Variants in MTHFD2L observed in about 807,000 individuals in gnomAD.
The protein encoded by MTHFD2L is bifunctional methylenetetrahydrofolate dehydrogenase/cyclohydrolase 2, mitochondrial.
A neutral mutation model predicts 34.9 loss-of-function variants in MTHFD2L; 29 were observed. That is an observed-to-expected ratio of 0.83 (90% CI 0.62 to 1.13). MTHFD2L has a LOEUF of 1.13. Ranked by LOEUF, MTHFD2L falls within the 50% of genes most tolerant of loss-of-function variation. MTHFD2L has a pLI of 0.00. For missense variants in MTHFD2L, 481 were observed against 446.5 expected (o/e 1.08, Z -0.70); for synonymous variants, 167 against 155.7 (o/e 1.07, Z -0.54).
chr4:74,173,024 C>T (rs930696608), intron 1 of MTHFD2L, among the ~76,000 whole-genome samples: 8 of 152,112 alleles, frequency 5.3e-5, no homozygotes, highest in African/African-American at 1.7e-4. Context: ...ATAAGGGCTT[C>T]CTTTCCTCCT....
chr4:74,253,358 A>G (rs900345837), intron 6 of MTHFD2L, among the ~76,000 whole-genome samples: 3 of 152,330 alleles, frequency 2.0e-5, no homozygotes, highest in South Asian at 2.1e-4. Flanking sequence ...TCCTCACAGA[A>G]ACATGAATTT....
intron 1 of MTHFD2L, among the ~76,000 whole-genome samples, chr4:74,147,753 T>G (rs1214762392): frequency 6.6e-6 from 1 of 152,230 alleles, no homozygotes; most frequent in Non-Finnish European, 1.5e-5. Flanking sequence ...CATTGCGCTT[T>G]GGATTTGCAT....
intron 3 of MTHFD2L, 120 bp downstream of exon 3, chr4:74,175,523 T>G: frequency 2.8e-6 from 3 of 1,076,746 alleles, no homozygotes; most frequent in Non-Finnish European, 4.0e-6. Flanking sequence ...AGACTAGCTA[T>G]TTTACTAGTA....
intron 5 of MTHFD2L, among the ~76,000 whole-genome samples, chr4:74,210,464 T>C (rs1736113457): frequency 6.6e-6 from 1 of 152,122 alleles, no homozygotes; most frequent in Admixed American, 6.6e-5. Context: ...CCCCATTACT[T>C]TTTTTTGTGT....
chr4:74,173,403 C>T (rs945312728), intron 1 of MTHFD2L, among the ~76,000 whole-genome samples: 1 of 152,162 alleles, frequency 6.6e-6, no homozygotes. Context: ...AAACTTACTC[C>T]ATTAGAAATG....
intron 5 of MTHFD2L, among the ~76,000 whole-genome samples, chr4:74,217,990 C>T (rs1737484697): frequency 6.6e-6 from 1 of 152,134 alleles, no homozygotes; most frequent in Admixed American, 6.6e-5. Flanking sequence ...TAATGATGCT[C>T]TTGACAACAC....
intron 1 of MTHFD2L, among the ~76,000 whole-genome samples, chr4:74,165,379 G>A (rs1578309650): frequency 1.3e-5 from 2 of 151,932 alleles, no homozygotes; most frequent in East Asian, 3.9e-4. Context: ...TTTTTTTTGA[G>A]ACAGAGTCTT....
At chr4:74,246,101 A>C (rs1017532643) in intron 6 of MTHFD2L, among the ~76,000 whole-genome samples, 48 of 140,386 alleles carry the variant, frequency 3.4e-4, no homozygotes, top group East Asian at 8.1e-4. Context: ...CCAACAGTGT[A>C]AAAGTGTTCC....
intron 3 of MTHFD2L, among the ~76,000 whole-genome samples, chr4:74,189,937 G>A (rs1732173697): frequency 6.6e-6 from 1 of 151,960 alleles, no homozygotes; most frequent in South Asian, 2.1e-4. Context: ...ATAGTTTTCT[G>A]ACCCTCATCA....
At chr4:74,222,218 TTGTC>T (rs1258039082) in intron 5 of MTHFD2L, among the ~76,000 whole-genome samples, 1 of 152,094 alleles carries the variant, frequency 6.6e-6, no homozygotes, top group Non-Finnish European at 1.5e-5. Context: ...CCATTTACAT[TTGTC>T]TGCGTTTTAG....
intron 1 of MTHFD2L, chr4:74,161,995 G>A (rs1725559159): frequency 6.6e-6 from 1 of 152,184 alleles, no homozygotes; most frequent in South Asian, 2.1e-4. Flanking sequence ...TAATAAATGA[G>A]ATTTGCTATT....
At chr4:74,178,633 T>C (rs1045161428) in intron 3 of MTHFD2L, among the ~76,000 whole-genome samples, 2 of 151,958 alleles carry the variant, frequency 1.3e-5, no homozygotes, top group Non-Finnish European at 2.9e-5. Context: ...AAAAAAAATC[T>C]GGATGTTCTG....
upstream of MTHFD2L, among the ~76,000 whole-genome samples, chr4:74,122,219 G>C (rs919013104): frequency 6.6e-6 from 1 of 152,184 alleles, no homozygotes; most frequent in East Asian, 1.9e-4. Context: ...CTGAGGCTGG[G>C]TAATTTATAA....
chr4:74,261,627 T>C (rs1180958895), intron 6 of MTHFD2L, among the ~76,000 whole-genome samples: 1 of 152,090 alleles, frequency 6.6e-6, no homozygotes, highest in African/African-American at 2.4e-5. Context: ...AAGCATTATC[T>C]TATAAATAAT....
At chr4:74,163,770 G>A (rs867744967) in intron 1 of MTHFD2L, among the ~76,000 whole-genome samples, 85 of 152,300 alleles carry the variant, frequency 5.6e-4, no homozygotes, top group Non-Finnish European at 6.2e-4. Flanking sequence ...TCAAGACATC[G>A]AAGATATGCC....
intron 7 of MTHFD2L, among the ~76,000 whole-genome samples, chr4:74,291,120 C>A (rs1446878764): frequency 7.2e-6 from 1 of 138,372 alleles, no homozygotes; most frequent in Non-Finnish European, 1.5e-5. Context: ...TGGGTTCAAG[C>A]AATTCTCCTG....
intron 5 of MTHFD2L, among the ~76,000 whole-genome samples, chr4:74,208,106 A>T (rs1735666571): frequency 6.6e-6 from 1 of 152,178 alleles, no homozygotes; most frequent in Non-Finnish European, 1.5e-5. Context: ...TGCCACTCTC[A>T]TCCCACTACC....
intron 3 of MTHFD2L, among the ~76,000 whole-genome samples, chr4:74,182,142 G>A (rs1387530385): frequency 6.6e-6 from 1 of 152,058 alleles, no homozygotes; most frequent in African/African-American, 2.4e-5. Context: ...CTCTATGGGA[G>A]AAACCCCAGT....
chr4:74,293,624 A>G (rs907473709), intron 7 of MTHFD2L: 4 of 568,234 alleles, frequency 7.0e-6, no homozygotes, highest in Non-Finnish European at 6.7e-6. Context: ...TTCCAAGTTC[A>G]ATGGCAAGCT....
Sources: allele counts gnomAD v4.1 joint callset (sites outside exome capture counted in the v4.1 genomes callset), GRCh38; gene constraint gnomAD v4.1.1; transcripts MANE v1.5; gene names NCBI Gene and HGNC (gene_info 2026-07-23, HGNC 2026-07-21).